Variants in KIF2A observed in about 807,000 individuals in gnomAD.
The protein encoded by KIF2A is kinesin-like protein KIF2A.
Under a neutral mutation model 100.2 loss-of-function variants are expected in KIF2A, and 22 were observed. The observed-to-expected ratio is 0.22, with a 90% confidence interval of 0.16 to 0.31. The LOEUF (loss-of-function observed/expected upper bound fraction) is 0.31. KIF2A is among the 10% of genes least tolerant of loss of function. The pLI, the probability that KIF2A is intolerant of heterozygous loss-of-function variation, is 1.00. For synonymous variants in KIF2A, 268 were observed against 285.9 expected, an observed-to-expected ratio of 0.94 and a Z score of 0.63; for missense variants, 495 against 898.7, an observed-to-expected ratio of 0.55 and a Z score of 5.74.
In KIF2A at chr5:62,328,329, T is replaced by TC. The variant is rs554331895; in HGVS notation, c.65-18801_65-18800insC. Among the ~76,000 whole-genome samples, 23 of 151,934 alleles carry TC rather than the reference T, an allele frequency of 1.5e-4. No homozygotes were observed. The South Asian group carries it at 4.8e-3, about 32-fold the overall frequency. On this transcript the variant is annotated intron_variant, in intron 1 of 20. Transcript: ENST00000407818. Reference sequence around the variant, plus strand: ...TTTCTAGTACTGTGTGGTTTTTTTTTTTTTTACATTGTTACTATTTCAGCT... The same window carrying TC: ...TTTCTAGTACTGTGTGGTTTTTTTTTCTTTTTACATTGTTACTATTTCAGCT...
intron 20 of KIF2A, among the ~76,000 whole-genome samples, chr5:62,382,563 G>C (rs1449063204): frequency 6.6e-6 from 1 of 151,630 alleles, no homozygotes; most frequent in Non-Finnish European, 1.5e-5. Flanking sequence ...TTGGATTTCA[G>C]ATTTTTTCAG....
intron 1 of KIF2A, among the ~76,000 whole-genome samples, chr5:62,335,854 CTT>C (rs1229139093): frequency 6.6e-6 from 1 of 152,096 alleles, no homozygotes; most frequent in Non-Finnish European, 1.5e-5. Context: ...AAATGGAAGA[CTT>C]TTAAATATGT....
At chr5:62,327,362 T>C (rs1297394114) in intron 1 of KIF2A, among the ~76,000 whole-genome samples, 2 of 152,240 alleles carry the variant, frequency 1.3e-5, no homozygotes, top group Non-Finnish European at 2.9e-5. Context: ...TGCATCTGTT[T>C]ATGGGTTGTA....
intron 1 of KIF2A, among the ~76,000 whole-genome samples, chr5:62,325,325 T>C (rs1223826827): frequency 1.3e-5 from 2 of 152,074 alleles, no homozygotes; most frequent in Non-Finnish European, 2.9e-5. Flanking sequence ...GGTTTCGCCA[T>C]GTTGGCCAGG....
chr5:62,383,960 A>G (rs1012942647), intron 20 of KIF2A, among the ~76,000 whole-genome samples: 1 of 152,106 alleles, frequency 6.6e-6, no homozygotes, highest in African/African-American at 2.4e-5. Context: ...TTTATAAGAA[A>G]AATTTGGGCC....
At chr5:62,308,296 G>A in intron 1 of KIF2A, 2 of 1,366,596 alleles carry the variant, frequency 1.5e-6, no homozygotes, top group East Asian at 2.6e-5. Context: ...TGCTGTTAAT[G>A]TCATTTTTTT....
chr5:62,312,972 A>G (rs567275406), intron 1 of KIF2A, among the ~76,000 whole-genome samples: 27 of 152,314 alleles, frequency 1.8e-4, no homozygotes, highest in African/African-American at 5.1e-4. Context: ...ATAGACCTTA[A>G]GTGATTATGA....
chr5:62,353,143 G>A (rs1341520610), intron 5 of KIF2A, 132 bp from the exon 6 acceptor site: 5 of 517,824 alleles, frequency 9.7e-6, no homozygotes, highest in East Asian at 3.3e-5. Flanking sequence ...TAAAGCTCAC[G>A]TAGTTGTTAT....
rs373786687 is a variant in KIF2A, at chr5:62,348,387, C to T, written c.279+220C>T. Among the ~76,000 whole-genome samples the T allele has an allele frequency of 2.0e-5, 3 of 152,136 alleles. No individual in the cohort carries two copies. In the East Asian group the frequency reaches 5.8e-4, roughly 29 times the overall value. ...GTTGGATAAGGTCTTAGAAATTTCT[C>T]ACCTAATTAGTATTTTTCCTGAGAC... On this transcript the variant is annotated intron_variant, in intron 3 of 20. Transcript: ENST00000407818.
At chr5:62,356,640 C>T (rs567565918) in intron 7 of KIF2A, among the ~76,000 whole-genome samples, 5 of 152,288 alleles carry the variant, frequency 3.3e-5, no homozygotes, top group Middle Eastern at 3.4e-3. Flanking sequence ...TTATTTGGCT[C>T]AGTAATCGTC....
At chr5:62,333,643 G>A (rs778418263) in intron 1 of KIF2A, among the ~76,000 whole-genome samples, 1 of 152,138 alleles carries the variant, frequency 6.6e-6, no homozygotes, top group Admixed American at 6.5e-5. Flanking sequence ...TCCCGTTATG[G>A]TGGTTCTCTG....
rs199520055 is a variant in KIF2A at position 62,351,246 on chromosome 5, A to AAATG, written c.334+1129_334+1130insGAAT. Among the ~76,000 whole-genome samples the AAATG allele has an allele frequency of 8.5e-3, 1,300 of 152,068 alleles. 22 individuals carry two copies. Among genetic ancestry groups the AAATG allele is most frequent in the African/African-American group, 0.03 (1,231 of 41,480 alleles). ...ACCCTGTCTCAATAAATAAATAAAT[A>AAATG]AATAATATAATAAAATAAAATGGAT... is the stretch of plus-strand genomic sequence containing the variant. On this transcript the variant is annotated intron_variant, in intron 4 of 20. Transcript: ENST00000407818.
chr5:62,311,288 A>G (rs1745543367), intron 1 of KIF2A, among the ~76,000 whole-genome samples: 1 of 152,192 alleles, frequency 6.6e-6, no homozygotes, highest in African/African-American at 2.4e-5. Context: ...CCCAGTCAAG[A>G]TGTAGGAAAT....
chr5:62,354,703 C>T (rs1748010566), intron 6 of KIF2A, among the ~76,000 whole-genome samples: 1 of 152,074 alleles, frequency 6.6e-6, no homozygotes. Context: ...ACAAATGAAT[C>T]TGTATTTATA....
intron 1 of KIF2A, among the ~76,000 whole-genome samples, chr5:62,309,896 A>G (rs2111764616): frequency 6.6e-6 from 1 of 152,272 alleles, no homozygotes; most frequent in East Asian, 1.9e-4. Context: ...TCAGCATCTG[A>G]ATTCCTAAAT....
intron 1 of KIF2A, among the ~76,000 whole-genome samples, chr5:62,340,439 AGGTG>A (rs1326252401): frequency 4.6e-5 from 7 of 152,214 alleles, no homozygotes; most frequent in South Asian, 2.1e-4. Flanking sequence ...GAGTTTTCTC[AGGTG>A]GATCAGAGAA....
rs1397127247 is a variant in KIF2A, at chr5:62,388,722, C to T, written c.*3153C>T. ...TAAATAGAAGAGTAACATCTTTATA[C>T]AATAAACTGTTAGAAATGATAAGTG... On this transcript the variant is annotated 3_prime_UTR_variant, in exon 21 of 21. Coordinates refer to ENST00000407818, the MANE Select transcript of KIF2A (RefSeq NM_001098511.3). 2.6e-5 allele frequency: 10 copies of T among 388,896 alleles called. No individual in the cohort carries two copies. The highest frequency in any genetic ancestry group is 3.7e-5 in the Non-Finnish European group (8 of 214,808). 24.1% of individuals were successfully genotyped at this position (388,896 alleles called of 1,614,324 possible). A position where few individuals can be genotyped will look rare whatever the true frequency, so the allele number is the denominator to read the frequency against.
chr5:62,331,525 A>C (rs981273753), intron 1 of KIF2A, among the ~76,000 whole-genome samples: 2 of 152,302 alleles, frequency 1.3e-5, no homozygotes, highest in Admixed American at 1.3e-4. Context: ...TGGGAGGCAG[A>C]GGTTGTGGTG....
chr5:62,323,787 C>T (rs1746227987), intron 1 of KIF2A, among the ~76,000 whole-genome samples: 1 of 152,002 alleles, frequency 6.6e-6, no homozygotes, highest in Non-Finnish European at 1.5e-5. Flanking sequence ...CCTGTAATCC[C>T]ATCACTTTGG....
Sources: allele counts gnomAD v4.1 joint callset (sites outside exome capture counted in the v4.1 genomes callset), GRCh38; gene constraint gnomAD v4.1.1; transcripts MANE v1.5; gene names NCBI Gene and HGNC (gene_info 2026-07-23, HGNC 2026-07-21).